Variants in MBTPS1 observed in about 807,000 individuals in gnomAD.
MBTPS1 encodes the protein membrane bound transcription factor peptidase, site 1.
A neutral mutation model predicts 127.8 loss-of-function variants in MBTPS1; 94 were observed. That is an observed-to-expected ratio of 0.74 (90% CI 0.62 to 0.87). The LOEUF is 0.87. Among genes scored for constraint, MBTPS1 ranks in the 40% least tolerant of loss-of-function variants. MBTPS1 has a pLI of 0.00. For synonymous variants in MBTPS1, 632 were observed against 509.4 expected (o/e 1.24, Z -3.24); for missense variants, 1,636 against 1,353.2 (o/e 1.21, Z -3.28).
Position 84,084,916 on chromosome 16 carries a change from G to T in MBTPS1, c.1286+67C>A, listed in dbSNP as rs529388454. 2.6e-6 allele frequency: 4 copies of T among 1,542,996 alleles called. No individual in the cohort carries two copies. The East Asian group carries it at 9.0e-5, about 35-fold the overall frequency. On this transcript the variant is annotated intron_variant, in intron 10 of 22. Transcript: ENST00000343411. ...AGGGCAGAAGCAAGACACGACTCCT[G>T]CTCTGCTGGCACCGAGTGCTCCTGT... is the stretch of plus-strand genomic sequence containing the variant.
At position 84,056,076 on chromosome 16, in the gene MBTPS1, T is replaced by C. The variant is rs144657994; in HGVS notation, c.2891A>G (p.Asn964Ser). Residue 964 changes from asparagine (N) to serine (S), a missense_variant, in exon 22 of 23, where the codon AAC becomes AGC. Physicochemically the swap from Asn to Ser is conservative, Grantham distance 46. Transcript: ENST00000343411. ...SIDLDKVVLPNFRSNRPQVRP... is the reference protein window; with the variant it reads ...SIDLDKVVLPSFRSNRPQVRP... ...CACTTGAGGGCGATTCGATCGAAAG[T>C]TGGGTAACACCACCTTGTCCAGGTC... is the stretch of plus-strand genomic sequence containing the variant. The C allele has an allele frequency of 2.7e-5, 43 of 1,613,950 alleles. No individual in the cohort carries two copies. Among genetic ancestry groups the C allele is most frequent in the Non-Finnish European group, 3.1e-5 (36 of 1,179,944 alleles).
At chr16:84,084,854 C>A in intron 10 of MBTPS1, 129 bp downstream of exon 10, 1 of 877,848 alleles carries the variant, frequency 1.1e-6, no homozygotes, top group South Asian at 1.8e-5. Context: ...AGAGACAGAG[C>A]AAGGCTGTGA....
intron 2 of MBTPS1, among the ~76,000 whole-genome samples, chr16:84,099,908 A>G (rs761684828): frequency 6.6e-6 from 1 of 152,262 alleles, no homozygotes; most frequent in Non-Finnish European, 1.5e-5. Flanking sequence ...AGAAATGTAT[A>G]TAATTTTTAT....
chr16:84,093,286 C>T lies in MBTPS1; in HGVS notation c.748G>A (p.Gly250Ser). The change falls in exon 6 of 23, where the codon GGC becomes AGC. Residue 250 changes from glycine (G) to serine (S), a missense_variant. By Grantham distance (56) the Gly-to-Ser change is moderately conservative (BLOSUM62 0). Coordinates refer to ENST00000343411, the MANE Select transcript of MBTPS1 (RefSeq NM_003791.4). ...GCTATCACACCTGCCACGAATGTGC[C>T]ATGGCCCAACCCTGCAGTCCATAAA... ...ERTLDDGLGH[G>S]TFVAGVIASM... is the part of the protein sequence containing the mutation. The T allele has an allele frequency of 6.2e-7, 1 of 1,611,068 alleles. No homozygotes were observed. Among genetic ancestry groups the T allele is most frequent in the East Asian group, 2.2e-5 (1 of 44,872 alleles).
intron 3 of MBTPS1, among the ~76,000 whole-genome samples, chr16:84,097,690 T>C (rs911966101): frequency 5.9e-5 from 9 of 152,244 alleles, no homozygotes; most frequent in Admixed American, 2.6e-4. Context: ...TCAGGTTTGA[T>C]TGGCTTTTAT....
At chr16:84,067,423 G>A (rs2085701865) in intron 16 of MBTPS1, among the ~76,000 whole-genome samples, 1 of 152,170 alleles carries the variant, frequency 6.6e-6, no homozygotes, top group Admixed American at 6.5e-5. Flanking sequence ...CTTGATCTCA[G>A]CTCACTGCAG....
At position 84,116,322 on chromosome 16, in the gene MBTPS1, C is replaced by T. The variant is rs530803266; in HGVS notation, c.-325+413G>A. On this transcript the variant is annotated intron_variant, in intron 1 of 22. Transcript: ENST00000343411. Reference sequence around the variant, plus strand: ...TTCTGAGAGTTCGCCGAACAGAATCCCCGCATTTCCAAAAACCAGCAGCGC... The same window carrying T: ...TTCTGAGAGTTCGCCGAACAGAATCTCCGCATTTCCAAAAACCAGCAGCGC... 3.3e-5 allele frequency among the ~76,000 whole-genome samples: 5 copies of T among 152,280 alleles called. No homozygotes were observed. In the East Asian group the frequency reaches 7.7e-4, roughly 24 times the overall value.
chr16:84,108,682 AG>A (rs991209724), intron 1 of MBTPS1, among the ~76,000 whole-genome samples: 1 of 152,216 alleles, frequency 6.6e-6, no homozygotes, highest in African/African-American at 2.4e-5. Flanking sequence ...AGCCCACTAC[AG>A]GGTCTTAAGA....
chr16:84,112,616 C>T (rs1465570846), intron 1 of MBTPS1, among the ~76,000 whole-genome samples: 1 of 145,976 alleles, frequency 6.9e-6, no homozygotes, highest in African/African-American at 2.5e-5. Context: ...GAGCTGAGAT[C>T]ACGCCACTGC....
chr16:84,084,902 A>C, intron 10 of MBTPS1, 81 bp downstream of exon 10: 3 of 1,478,322 alleles, frequency 2.0e-6, no homozygotes, highest in Non-Finnish European at 2.8e-6. Context: ...GGGCAGAAGC[A>C]AGACACGACT....
At chr16:84,075,285 G>A (rs1380562555) in intron 11 of MBTPS1, 1 of 152,274 alleles carries the variant, frequency 6.6e-6, no homozygotes, top group African/African-American at 2.4e-5. Flanking sequence ...TATGACCACA[G>A]GCTGAGTCCC....
intron 20 of MBTPS1, chr16:84,059,734 C>T (rs1443414945): frequency 5.1e-6 from 1 of 194,236 alleles, no homozygotes; most frequent in African/African-American, 2.3e-5. Flanking sequence ...CGCAAGGCTA[C>T]ACCTGCGAAA....
intron 1 of MBTPS1, among the ~76,000 whole-genome samples, chr16:84,111,120 A>C (rs1318504231): frequency 3.3e-5 from 5 of 152,248 alleles, no homozygotes; most frequent in African/African-American, 1.2e-4. Context: ...GGGACTTTGC[A>C]GCTGTGACTA....
intron 1 of MBTPS1, among the ~76,000 whole-genome samples, chr16:84,112,370 T>A (rs963618928): frequency 2.6e-5 from 4 of 152,064 alleles, no homozygotes; most frequent in Admixed American, 6.6e-5. Context: ...TTAGTATTTT[T>A]AAAAACTTTT....
intron 11 of MBTPS1, among the ~76,000 whole-genome samples, chr16:84,079,353 T>C (rs2085905362): frequency 6.6e-6 from 1 of 152,164 alleles, no homozygotes; most frequent in Non-Finnish European, 1.5e-5. Flanking sequence ...ACCACAGTCA[T>C]GTTTCACACA....
chr16:84,101,635 G>C lies in MBTPS1; in HGVS notation c.149C>G (p.Thr50Arg). Residue 50 changes from threonine to arginine, a missense_variant, in exon 2 of 23, where the codon ACA (threonine) becomes AGA (arginine). Thr to Arg is a moderately conservative substitution (Grantham distance 71). Transcript: ENST00000343411. ...HLTLKVEFSS[T>R]VVEYEYIVAF... ...AACATCATTACCATATTCCACAACT[G>C]TTGATGAGAATTCCACCTTCAAAGT... The C allele has an allele frequency of 1.2e-6, 2 of 1,613,650 alleles. No individual in the cohort carries two copies. The highest frequency in any genetic ancestry group is 1.7e-6 in the Non-Finnish European group (2 of 1,179,742).
chr16:84,061,192 A>T (rs1261242523), intron 19 of MBTPS1: 2 of 167,390 alleles, frequency 1.2e-5, no homozygotes, highest in African/African-American at 4.8e-5. Flanking sequence ...GGGAAATGGG[A>T]GTTCAGAAGT....
chr16:84,093,852 TG>T, intron 4 of MBTPS1, 31 bp from the exon 5 acceptor site: 1 of 1,431,286 alleles, frequency 7.0e-7, no homozygotes, highest in South Asian at 1.1e-5. Flanking sequence ...AACACAATTA[TG>T]TTTGAAGAAA....
At chr16:84,072,233 T>C (rs940155056) in intron 12 of MBTPS1, 2 of 152,176 alleles carry the variant, frequency 1.3e-5, no homozygotes, top group Non-Finnish European at 2.9e-5. Context: ...ACAGATGCTA[T>C]AGGATTCCAT....
Sources: gnomAD v4.1 joint callset for allele counts (sites outside exome capture counted in the v4.1 genomes callset) on GRCh38, gnomAD v4.1.1 for gene constraint, MANE v1.5 for transcripts, NCBI Gene and HGNC (gene_info 2026-07-23, HGNC 2026-07-21) for gene names.